UMPS: variants seen among roughly 807,000 people sequenced by gnomAD.
The protein encoded by UMPS is uridine 5'-monophosphate synthase.
In UMPS, 21 loss-of-function variants were observed where a neutral mutation model predicts 38.9. The ratio of observed to expected loss-of-function variants is 0.54; its 90% CI spans 0.38 to 0.78. The LOEUF is 0.78. Among genes scored for constraint, UMPS ranks in the 30% least tolerant of loss-of-function variants. The probability of loss-of-function intolerance (pLI) is 0.00; values close to 1 mark genes in which losing one functional copy is unlikely to be tolerated. For synonymous variants in UMPS, 208 were observed against 219.3 expected, an observed-to-expected ratio of 0.95 and a Z score of 0.45; for missense variants, 533 against 591.6, an observed-to-expected ratio of 0.90 and a Z score of 1.03.
intron 1 of UMPS, 69 bp downstream of exon 1, chr3:124,730,696 G>T: frequency 6.4e-7 from 1 of 1,568,440 alleles, no homozygotes. Context: ...GGAAGAGGGT[G>T]ACAGGAGTTG....
At chr3:124,737,207 C>T in intron 2 of UMPS, 1 of 223,696 alleles carries the variant, frequency 4.5e-6, no homozygotes, top group Non-Finnish European at 8.9e-6. Context: ...AGTTCAAGAC[C>T]AGCCTAGACA....
At position 124,745,972 on chromosome 3, in the gene UMPS, G is replaced by T. The variant is rs1195762645; in HGVS notation, c.*1888G>T. The T allele has an allele frequency of 4.4e-6, 2 of 454,010 alleles. No individual in the cohort carries two copies. Among genetic ancestry groups the T allele is most frequent in the Non-Finnish European group, 8.8e-6 (2 of 226,796 alleles). The allele number at this position is 454,010 out of a possible 1,614,324, so 28.1% of individuals were successfully genotyped here. A position where few individuals can be genotyped will look rare whatever the true frequency, so the allele number is the denominator to read the frequency against. Reference sequence around the variant, plus strand: ...TGACTCTGGGTAGCTCTGGGATGGGGCTTGAGAATTTGCGTTTCCAAAAAG... The same window carrying T: ...TGACTCTGGGTAGCTCTGGGATGGGTCTTGAGAATTTGCGTTTCCAAAAAG... On this transcript the variant is annotated 3_prime_UTR_variant, in exon 6 of 6. Transcript: ENST00000232607.
chr3:124,732,958 C>G (rs902825742), intron 1 of UMPS, among the ~76,000 whole-genome samples: 62 of 109,698 alleles, frequency 5.7e-4, no homozygotes, highest in Non-Finnish European at 2.1e-4. Context: ...TTTTTGATAA[C>G]TAGATCATGG....
chr3:124,733,883 G>C (rs114891326), intron 1 of UMPS: 1 of 152,046 alleles, frequency 6.6e-6, no homozygotes, highest in Non-Finnish European at 1.5e-5. Flanking sequence ...GTATGACAGA[G>C]GGATCAGTAA....
chr3:124,744,283 G>C lies in UMPS; in HGVS notation c.*199G>C, dbSNP rs1042105490. Reference sequence around the variant, plus strand: ...AATCACCGCATTGATACTATAATAAGTTCATTCTTAAGCTTGCTTTTTTTG... The same window carrying C: ...AATCACCGCATTGATACTATAATAACTTCATTCTTAAGCTTGCTTTTTTTG... On this transcript the variant is annotated 3_prime_UTR_variant, in exon 6 of 6. Transcript: ENST00000232607. The C allele has an allele frequency of 1.4e-5, 10 of 707,420 alleles. No individual in the cohort carries two copies. The African/African-American group carries it at 1.6e-4, about 11-fold the overall frequency. 43.8% of individuals were successfully genotyped at this position (707,420 alleles called of 1,614,324 possible).
chr3:124,748,444 A>G lies in UMPS; in HGVS notation c.*4360A>G, dbSNP rs1352423083. On this transcript the variant is annotated 3_prime_UTR_variant, in exon 6 of 6. Coordinates refer to ENST00000232607, the MANE Select transcript of UMPS (RefSeq NM_000373.4). Reference sequence around the variant, plus strand: ...CAATAGAAATACAAAGAGAAACAAAATAATTAGAATATTTTTTAACTTCTA... The same window carrying G: ...CAATAGAAATACAAAGAGAAACAAAGTAATTAGAATATTTTTTAACTTCTA... 4.4e-6 allele frequency: 2 copies of G among 453,766 alleles called. No individual in the cohort carries two copies. The highest frequency in any genetic ancestry group is 4.0e-5 in the African/African-American group (2 of 49,980). The allele number at this position is 453,766 out of a possible 1,614,324, so 28.1% of individuals were successfully genotyped here.
rs1471752896 is a variant in UMPS, at chr3:124,746,756, TGTGTGTGTGTGTGTG to T, written c.*2673_*2687del. 1.3e-4 allele frequency: 6 copies of T among 47,784 alleles called. No individual in the cohort carries two copies. The African/African-American group carries it at 3.1e-3, about 24-fold the overall frequency. The allele number at this position is 47,784 out of a possible 1,614,324, so 3.0% of individuals were successfully genotyped here. A position where few individuals can be genotyped will look rare whatever the true frequency, so the allele number is the denominator to read the frequency against. ...TTCTGTAGAACATAAGCCCATAGAT[TGTGTGTGTGTGTGTG>T]TGTGTGTGTGTGTGTGTGTGTGTGT... On this transcript the variant is annotated 3_prime_UTR_variant, in exon 6 of 6. Coordinates refer to ENST00000232607, the MANE Select transcript of UMPS (RefSeq NM_000373.4).
chr3:124,740,079 A>G lies in UMPS; in HGVS notation c.1038A>G (p.Pro346=), dbSNP rs17843835. 4,493 of 1,614,136 alleles carry G rather than the reference A, an allele frequency of 2.8e-3. 116 individuals carry two copies. In the African/African-American group the frequency reaches 0.051, roughly 18 times the overall value. Residue 346 remains proline (P), a synonymous_variant, in exon 4 of 6, where the codon CCA becomes CCG. Transcript: ENST00000232607. ...WADLVNAHVV[P]GSGVVKGLQE... is the part of the protein sequence containing the mutation. ...ATCTAGTAAATGCTCACGTGGTGCCAGGCTCAGGAGTTGTGAAAGGCCTGC... is the reference window on the plus strand; with the variant it reads ...ATCTAGTAAATGCTCACGTGGTGCCGGGCTCAGGAGTTGTGAAAGGCCTGC...
rs1005356266 is a variant in UMPS, at chr3:124,747,422, G to T, written c.*3338G>T. ...CATCCAAAGTACCCGGTGGGTGGGA[G>T]TCACTCAGTACCAGTTCCGAGCCTG... On this transcript the variant is annotated 3_prime_UTR_variant, in exon 6 of 6. Coordinates refer to ENST00000232607, the MANE Select transcript of UMPS (RefSeq NM_000373.4). The T allele has an allele frequency of 2.2e-6, 1 of 453,700 alleles. No homozygotes were observed. The highest frequency in any genetic ancestry group is 2.0e-5 in the African/African-American group (1 of 49,994). 28.1% of individuals were successfully genotyped at this position (453,700 alleles called of 1,614,324 possible).
At position 124,747,924 on chromosome 3, in the gene UMPS, G is replaced by C. The variant is rs1473797306; in HGVS notation, c.*3840G>C. The C allele has an allele frequency of 2.2e-6, 1 of 453,880 alleles. No individual in the cohort carries two copies. Among genetic ancestry groups the C allele is most frequent in the South Asian group, 1.6e-5 (1 of 64,458 alleles). 28.1% of individuals were successfully genotyped at this position (453,880 alleles called of 1,614,324 possible). Reference sequence around the variant, plus strand: ...TAACCCTGTGGACTCTCTGCAGCTTGGTTCCTTTGCCCCTTAACAGGTGGG... The same window carrying C: ...TAACCCTGTGGACTCTCTGCAGCTTCGTTCCTTTGCCCCTTAACAGGTGGG... On this transcript the variant is annotated 3_prime_UTR_variant, in exon 6 of 6. Coordinates refer to ENST00000232607, the MANE Select transcript of UMPS (RefSeq NM_000373.4).
rs1185171544 is a variant in UMPS at position 124,738,088 on chromosome 3, C to G, written c.831C>G (p.Ile277Met). Residue 277 changes from isoleucine to methionine, a missense_variant, in exon 3 of 6, where the codon ATC becomes ATG. Transcript: ENST00000232607. ...TAGCAGATGCTTTAGGACCTAGTAT[C>G]TGCATGCTGAAGACTCATGTAGATA... ...LQLADALGPS[I>M]CMLKTHVDIL... The G allele has an allele frequency of 5.0e-6, 8 of 1,614,082 alleles. No individual in the cohort carries two copies. The highest frequency in any genetic ancestry group is 3.3e-5 in the Admixed American group (2 of 60,004).
In UMPS at chr3:124,745,177, A is replaced by G. The variant is rs1276043987; in HGVS notation, c.*1093A>G. ...AGGTAAGCCTTCATTAATAATAAAG[A>G]GAAAGCCCACATTCAAGGTGGTGTT... On this transcript the variant is annotated 3_prime_UTR_variant, in exon 6 of 6. Coordinates refer to ENST00000232607, the MANE Select transcript of UMPS (RefSeq NM_000373.4). 4.4e-6 allele frequency: 2 copies of G among 454,102 alleles called. No homozygotes were observed. The highest frequency in any genetic ancestry group is 4.0e-5 in the African/African-American group (2 of 50,124). 28.1% of individuals were successfully genotyped at this position (454,102 alleles called of 1,614,324 possible).
At position 124,745,195 on chromosome 3, in the gene UMPS, G is replaced by A. The variant is rs779907590; in HGVS notation, c.*1111G>A. Reference sequence around the variant, plus strand: ...AATAAAGAGAAAGCCCACATTCAAGGTGGTGTTTGAGCAGGGGCAGGGTGA... The same window carrying A: ...AATAAAGAGAAAGCCCACATTCAAGATGGTGTTTGAGCAGGGGCAGGGTGA... On this transcript the variant is annotated 3_prime_UTR_variant, in exon 6 of 6. Coordinates refer to ENST00000232607, the MANE Select transcript of UMPS (RefSeq NM_000373.4). 1 of 454,098 alleles carries A rather than the reference G, an allele frequency of 2.2e-6. No individual in the cohort carries two copies. The highest frequency in any genetic ancestry group is 1.6e-5 in the South Asian group (1 of 64,466). The allele number at this position is 454,098 out of a possible 1,614,324, so 28.1% of individuals were successfully genotyped here.
intron 3 of UMPS, among the ~76,000 whole-genome samples, chr3:124,739,649 A>T (rs1579133056): frequency 6.6e-6 from 1 of 152,260 alleles, no homozygotes; most frequent in Non-Finnish European, 1.5e-5. Flanking sequence ...AGGAATTTTT[A>T]AATGTTATCC....
chr3:124,734,487 T>A (rs553782894), intron 1 of UMPS, among the ~76,000 whole-genome samples: 68 of 152,284 alleles, frequency 4.5e-4, no homozygotes, highest in African/African-American at 1.6e-3. Context: ...TCGTCCTTAG[T>A]CTTTGGGGTC....
Position 124,740,200 on chromosome 3 carries a change from G to GT in UMPS, c.1158+2dup. 6.2e-7 allele frequency: 1 copy of GT among 1,608,930 alleles called. No homozygotes were observed. Among genetic ancestry groups the GT allele is most frequent in the Non-Finnish European group, 8.5e-7 (1 of 1,177,176 alleles). ...CACTGGGGACTACACTAGAGCAGCGGTAAGTGGTGGGGGGACTGGGTGAGA... is the reference window on the plus strand; with the variant it reads ...CACTGGGGACTACACTAGAGCAGCGGTTAAGTGGTGGGGGGACTGGGTGAGA... On this transcript the variant is annotated splice_donor_variant, in intron 4 of 5. Transcript: ENST00000232607. LOFTEE classifies it high-confidence loss of function.
chr3:124,740,136 C>A lies in UMPS; in HGVS notation c.1095C>A (p.Cys365Ter). The change falls in exon 4 of 6, where the codon TGC becomes TGA. Residue 365 changes from cysteine (C) to a stop codon, truncating the protein, a stop_gained. Coordinates refer to ENST00000232607, the MANE Select transcript of UMPS (RefSeq NM_000373.4). LOFTEE classifies it high-confidence loss of function. Reference protein sequence around the residue: ...QEVGLPLHRGCLLIAEMSSTG... With the variant: ...QEVGLPLHRG ...TGGGCCTGCCTTTGCATCGGGGGTG[C>A]CTCCTTATTGCGGAAATGAGCTCCA... The A allele has an allele frequency of 1.2e-6, 2 of 1,613,922 alleles. No individual in the cohort carries two copies. Among genetic ancestry groups the A allele is most frequent in the Non-Finnish European group, 1.7e-6 (2 of 1,180,032 alleles).
chr3:124,738,052 G>T lies in UMPS; in HGVS notation c.795G>T (p.Glu265Asp). 1.2e-6 allele frequency: 2 copies of T among 1,614,258 alleles called. No homozygotes were observed. Among genetic ancestry groups the T allele is most frequent in the Non-Finnish European group, 8.5e-7 (1 of 1,180,048 alleles). ...CLSADVSLAR[E>D]LLQLADALGP... ...CTGCTGATGTTTCACTGGCCAGAGA[G>T]CTGTTGCAGCTAGCAGATGCTTTAG... The change falls in exon 3 of 6, where the codon GAG becomes GAT. Residue 265 changes from glutamate to aspartate, a missense_variant. Physicochemically the swap from Glu to Asp is conservative, Grantham distance 45. Coordinates refer to ENST00000232607, the MANE Select transcript of UMPS (RefSeq NM_000373.4).
rs1424802785 is a variant in UMPS, at chr3:124,748,053, A to C, written c.*3969A>C. On this transcript the variant is annotated 3_prime_UTR_variant, in exon 6 of 6. Coordinates refer to ENST00000232607, the MANE Select transcript of UMPS (RefSeq NM_000373.4). ...CATGAGAAAAATCAGGACTTGTTGGAGTTATATTTTTAAAATATATATTTT... is the reference window on the plus strand; with the variant it reads ...CATGAGAAAAATCAGGACTTGTTGGCGTTATATTTTTAAAATATATATTTT... 2.2e-5 allele frequency: 9 copies of C among 411,396 alleles called. No homozygotes were observed. The highest frequency in any genetic ancestry group is 5.5e-5 in the Admixed American group (2 of 36,316). 25.5% of individuals were successfully genotyped at this position (411,396 alleles called of 1,614,324 possible).
Sources: gnomAD v4.1 joint callset for allele counts (sites outside exome capture counted in the v4.1 genomes callset) on GRCh38, gnomAD v4.1.1 for gene constraint, MANE v1.5 for transcripts, NCBI Gene and HGNC (gene_info 2026-07-23, HGNC 2026-07-21) for gene names.